Variants in RNF38 observed in about 807,000 individuals in gnomAD.
RNF38 encodes the protein ring finger protein 38.
In RNF38, 15 loss-of-function variants were observed where a neutral mutation model predicts 67.2. The observed-to-expected ratio is 0.22, with a 90% CI of 0.15 to 0.34. The LOEUF (loss-of-function observed/expected upper bound fraction) is 0.34, where lower values mean the gene tolerates loss of function less well. Among genes scored for constraint, RNF38 ranks in the 10% least tolerant of loss-of-function variants. The probability of loss-of-function intolerance (pLI) is 1.00; values close to 1 mark genes in which losing one functional copy is unlikely to be tolerated. For missense variants in RNF38, 524 were observed against 639.9 expected (o/e 0.82, Z 1.95); for synonymous variants, 220 against 218.8 (o/e 1.01, Z -0.05).
chr9:36,447,621 A>G (rs1277106396), intron 1 of RNF38, among the ~76,000 whole-genome samples: 1 of 152,216 alleles, frequency 6.6e-6, no homozygotes, highest in Admixed American at 6.5e-5. Context: ...GCCACCGAAG[A>G]AGCCTAATGA....
intron 2 of RNF38, among the ~76,000 whole-genome samples, chr9:36,379,602 T>C (rs894337753): frequency 5.3e-5 from 8 of 152,134 alleles, no homozygotes; most frequent in African/African-American, 1.9e-4. Context: ...ACCTTCCCTA[T>C]CTCTCTGATT....
intron 1 of RNF38, among the ~76,000 whole-genome samples, chr9:36,455,489 G>T (rs1839565762): frequency 6.6e-6 from 1 of 151,992 alleles, no homozygotes; most frequent in Non-Finnish European, 1.5e-5. Context: ...TAGTTTAAAA[G>T]TGCACTCATT....
intron 2 of RNF38, among the ~76,000 whole-genome samples, chr9:36,383,669 T>G (rs2133939974): frequency 6.6e-6 from 1 of 152,348 alleles, no homozygotes; most frequent in African/African-American, 2.4e-5. Context: ...AGACAACTAA[T>G]ATATTCTCCT....
At chr9:36,341,808 A>G (rs1563991219) in intron 11 of RNF38, among the ~76,000 whole-genome samples, 4 of 2,948 alleles carry the variant, frequency 1.4e-3, no homozygotes, top group Non-Finnish European at 4.4e-3. Context: ...ATATATATAT[A>G]TATATATATA....
At chr9:36,415,911 T>G (rs1838452632) in intron 2 of RNF38, among the ~76,000 whole-genome samples, 1 of 151,966 alleles carries the variant, frequency 6.6e-6, no homozygotes, top group Non-Finnish European at 1.5e-5. Context: ...CTTTTATGAG[T>G]TGCTGTAATG....
chr9:36,458,656 TC>T (rs1273505660), intron 1 of RNF38, among the ~76,000 whole-genome samples: 2 of 151,988 alleles, frequency 1.3e-5, no homozygotes, highest in African/African-American at 4.8e-5. Context: ...GGAAGGAAGT[TC>T]CGGACACATC....
intron 1 of RNF38, among the ~76,000 whole-genome samples, chr9:36,459,480 CTGAG>C (rs1388774179): frequency 2.0e-5 from 3 of 152,150 alleles, no homozygotes; most frequent in Admixed American, 2.0e-4. Flanking sequence ...TTTTGGTACA[CTGAG>C]TATTTTGTAT....
At chr9:36,437,643 C>T (rs2134285416) in intron 1 of RNF38, among the ~76,000 whole-genome samples, 2 of 151,846 alleles carry the variant, frequency 1.3e-5, no homozygotes, top group Middle Eastern at 6.9e-3. Context: ...GGACAAAAAT[C>T]AACAAAATAT....
chr9:36,465,491 C>T (rs140751398), intron 1 of RNF38, among the ~76,000 whole-genome samples: 2 of 152,284 alleles, frequency 1.3e-5, no homozygotes, highest in East Asian at 1.9e-4. Context: ...GGATTACAGG[C>T]ATACGCCACC....
Position 36,467,566 on chromosome 9 carries a change from G to C in RNF38, n.241+19742C>G, listed in dbSNP as rs78533183. On this transcript the variant is annotated intron_variant and non_coding_transcript_variant, in intron 1 of 3. Coordinates refer to the RNF38 transcript ENST00000488058. ...GATTCTGCTGCTCTCTGCTTCAAGA[G>C]TCACTAACTGGGTGGGTCAGGCCAT... is the stretch of plus-strand genomic sequence containing the variant. Among the ~76,000 whole-genome samples the C allele has an allele frequency of 6.8e-3, 1,029 of 152,164 alleles. 10 individuals carry two copies. Among genetic ancestry groups the C allele is most frequent in the African/African-American group, 0.024 (986 of 41,516 alleles).
intron 4 of RNF38, 111 bp from the exon 5 acceptor site, chr9:36,358,053 C>T: frequency 1.3e-6 from 1 of 775,918 alleles, no homozygotes; most frequent in Non-Finnish European, 2.1e-6. Context: ...CACGGATTTT[C>T]ACAATGTACT....
At chr9:36,410,727 T>TC (rs1353797380) in intron 2 of RNF38, among the ~76,000 whole-genome samples, 2 of 152,188 alleles carry the variant, frequency 1.3e-5, no homozygotes, top group East Asian at 3.9e-4. Flanking sequence ...ATTACTATTC[T>TC]CTAAAATAAA....
chr9:36,479,313 G>A (rs563030435), intron 1 of RNF38, among the ~76,000 whole-genome samples: 36 of 152,298 alleles, frequency 2.4e-4, no homozygotes, highest in African/African-American at 8.7e-4. Flanking sequence ...GTGCCCTCCA[G>A]GCTCCACAGA....
In RNF38 at chr9:36,424,444, T is replaced by C. The variant is rs112353621; in HGVS notation, n.312+169A>G. On this transcript the variant is annotated intron_variant and non_coding_transcript_variant, in intron 2 of 3. Coordinates refer to the RNF38 transcript ENST00000488058. Reference sequence around the variant, plus strand: ...GTTGAGGAATTTGCCCTAGGTTTTCTGGAGCAGTCAATAATTTGACACACA... The same window carrying C: ...GTTGAGGAATTTGCCCTAGGTTTTCCGGAGCAGTCAATAATTTGACACACA... Among the ~76,000 whole-genome samples the C allele has an allele frequency of 5.5e-3, 843 of 152,322 alleles. 5 individuals are homozygous for C. Among genetic ancestry groups the C allele is most frequent in the Non-Finnish European group, 8.8e-3 (596 of 68,030 alleles).
intron 1 of RNF38, among the ~76,000 whole-genome samples, chr9:36,448,278 TC>T (rs1839354829): frequency 6.6e-6 from 1 of 152,204 alleles, no homozygotes; most frequent in Non-Finnish European, 1.5e-5. Context: ...ACATAAATGA[TC>T]AAATATAGCA....
At chr9:36,456,622 G>C (rs1180624390) in intron 1 of RNF38, among the ~76,000 whole-genome samples, 2 of 152,012 alleles carry the variant, frequency 1.3e-5, no homozygotes, top group Non-Finnish European at 2.9e-5. Context: ...CTCTCCTGCT[G>C]GGCTGAGGGT....
At chr9:36,412,577 C>T (rs959493036) in intron 2 of RNF38, among the ~76,000 whole-genome samples, 3 of 152,202 alleles carry the variant, frequency 2.0e-5, no homozygotes, top group African/African-American at 7.2e-5. Context: ...TGGCTTAGCG[C>T]CATCCACTTG....
intron 1 of RNF38, among the ~76,000 whole-genome samples, chr9:36,466,337 T>C (rs1364664931): frequency 6.6e-6 from 1 of 152,220 alleles, no homozygotes; most frequent in African/African-American, 2.4e-5. Flanking sequence ...TGGTACTGGT[T>C]ACACAACTGT....
At chr9:36,418,253 C>T (rs1308203836) in intron 2 of RNF38, among the ~76,000 whole-genome samples, 1 of 152,030 alleles carries the variant, frequency 6.6e-6, no homozygotes, top group East Asian at 1.9e-4. Context: ...GTCAGCTGGT[C>T]TCAAACTCTT....
Sources: allele counts gnomAD v4.1 joint callset (sites outside exome capture counted in the v4.1 genomes callset), GRCh38; gene constraint gnomAD v4.1.1; transcripts MANE v1.5; gene names NCBI Gene and HGNC (gene_info 2026-07-23, HGNC 2026-07-21).